The following PRKN variants were observed in gnomAD, a reference collection of about 807,000 sequenced individuals.
PRKN encodes parkin RBR E3 ubiquitin protein ligase, also known as E3 ubiquitin-protein ligase parkin.
A neutral mutation model predicts 59.5 loss-of-function variants in PRKN; 56 were observed. That is an observed-to-expected ratio of 0.94 (90% CI 0.76 to 1.18). The LOEUF (loss-of-function observed/expected upper bound fraction) is 1.18, where lower values mean the gene tolerates loss of function less well. Among genes scored for constraint, PRKN ranks in the 50% most tolerant of loss-of-function variants. The probability of loss-of-function intolerance (pLI) is 0.00; values close to 1 mark genes in which losing one functional copy is unlikely to be tolerated. For missense variants in PRKN, 657 were observed against 596.4 expected, an observed-to-expected ratio of 1.10 and a Z score of -1.06; for synonymous variants, 250 against 222.1, an observed-to-expected ratio of 1.13 and a Z score of -1.12.
intron 6 of PRKN, among the ~76,000 whole-genome samples, chr6:161,918,453 C>G (rs1424522776): frequency 1.3e-5 from 2 of 152,200 alleles, no homozygotes; most frequent in East Asian, 3.8e-4. Context: ...GATTTTCAAA[C>G]CATGAGTCAT....
At chr6:162,496,067 G>C (rs1208710144) in intron 1 of PRKN, among the ~76,000 whole-genome samples, 3 of 151,998 alleles carry the variant, frequency 2.0e-5, no homozygotes, top group East Asian at 3.9e-4. Flanking sequence ...GTGAAACCCT[G>C]TCTCTATTAA....
chr6:162,638,777 T>C (rs1296965790), intron 1 of PRKN, among the ~76,000 whole-genome samples: 1 of 147,076 alleles, frequency 6.8e-6, no homozygotes, highest in East Asian at 2.0e-4. Flanking sequence ...AGAGTTTTGC[T>C]CTTGTTGCCC....
chr6:161,638,889 G>C (rs1409213175), intron 7 of PRKN, among the ~76,000 whole-genome samples: 1 of 151,908 alleles, frequency 6.6e-6, no homozygotes. Flanking sequence ...TTACAGGCGT[G>C]TGCCACCATA....
At chr6:162,366,516 T>A (rs546485171) in intron 2 of PRKN, among the ~76,000 whole-genome samples, 134 of 152,194 alleles carry the variant, frequency 8.8e-4, no homozygotes, top group Admixed American at 2.9e-3. Context: ...ATCACCCCAA[T>A]AGAAACTTGC....
Position 161,447,859 on chromosome 6 carries a change from A to T in PRKN, c.1084-60982T>A, listed in dbSNP as rs981852136. Among the ~76,000 whole-genome samples, 4 of 152,118 alleles carry T rather than the reference A, an allele frequency of 2.6e-5. No individual in the cohort carries two copies. Among genetic ancestry groups the T allele is most frequent in the African/African-American group, 9.7e-5 (4 of 41,408 alleles). ...AAAAGAAAATTTCAGGACCTTCCAA[A>T]TTTCACAGGCCTAGAGGAAAGTTAA... is the stretch of plus-strand genomic sequence containing the variant. On this transcript the variant is annotated intron_variant, in intron 9 of 11. Coordinates refer to ENST00000366898, the MANE Select transcript of PRKN (RefSeq NM_004562.3). The surrounding 1 kb of genome is among the most constrained non-coding windows in gnomAD (Gnocchi z 4.1).
rs151309531 is a variant in PRKN, at chr6:161,931,220, G to A, written c.734+42082C>T. Among the ~76,000 whole-genome samples the A allele has an allele frequency of 6.1e-3, 932 of 152,288 alleles. 9 individuals carry two copies. Among genetic ancestry groups the A allele is most frequent in the African/African-American group, 0.021 (889 of 41,566 alleles). ...GGAGGCCGAGGTGGGTGGATCATTTGAGGTTAGGAGTTTGAGGCCAGCCTA... is the reference window on the plus strand; with the variant it reads ...GGAGGCCGAGGTGGGTGGATCATTTAAGGTTAGGAGTTTGAGGCCAGCCTA... On this transcript the variant is annotated intron_variant, in intron 6 of 11. Coordinates refer to ENST00000366898, the MANE Select transcript of PRKN (RefSeq NM_004562.3).
At chr6:162,135,722 GAAGGTGA>G (rs758350819) in intron 4 of PRKN, among the ~76,000 whole-genome samples, 3 of 152,068 alleles carry the variant, frequency 2.0e-5, no homozygotes, top group African/African-American at 4.8e-5. Flanking sequence ...AGAGAAGGTA[GAAGGTGA>G]AAGGTGAAAG....
chr6:162,101,898 A>G (rs1779986408), intron 4 of PRKN, among the ~76,000 whole-genome samples: 1 of 152,174 alleles, frequency 6.6e-6, no homozygotes, highest in Non-Finnish European at 1.5e-5. Context: ...AAAACAAGAC[A>G]TTCTTCTACA....
At chr6:162,628,857 A>G (rs984945051) in intron 1 of PRKN, among the ~76,000 whole-genome samples, 3 of 152,172 alleles carry the variant, frequency 2.0e-5, no homozygotes, top group South Asian at 2.1e-4. Context: ...TGTTACCTAC[A>G]TTAATCCTCA....
chr6:162,259,312 T>G (rs900172144), intron 3 of PRKN, among the ~76,000 whole-genome samples: 1 of 152,210 alleles, frequency 6.6e-6, no homozygotes, highest in African/African-American at 2.4e-5. Flanking sequence ...ACAGGTAGGA[T>G]CCATAATTGT....
intron 2 of PRKN, among the ~76,000 whole-genome samples, chr6:162,320,385 C>CAAAAAAAAAAAAAAAAAAAAA (rs1782955414): frequency 3.6e-5 from 1 of 27,784 alleles, no homozygotes; most frequent in Non-Finnish European, 9.3e-5. Context: ...AAAAAAAAAA[C>CAAAAAAAAAAAAAAAAAAAAA]CAAGCATTTT....
intron 1 of PRKN, chr6:162,727,339 A>C: frequency 2.9e-5 from 11 of 378,726 alleles, no homozygotes; most frequent in East Asian, 1.5e-4. Flanking sequence ...GGCGGGGAGA[A>C]GGCTTCGGGA....
intron 2 of PRKN, among the ~76,000 whole-genome samples, chr6:162,363,248 T>G (rs1583442631): frequency 1.3e-5 from 2 of 152,156 alleles, no homozygotes; most frequent in African/African-American, 4.8e-5. Flanking sequence ...ATTAGTGTTC[T>G]GCAGAGGCAA....
intron 6 of PRKN, among the ~76,000 whole-genome samples, chr6:161,860,000 C>T (rs1360647911): frequency 6.6e-6 from 1 of 152,080 alleles, no homozygotes; most frequent in Admixed American, 6.5e-5. Context: ...TGATAACAGT[C>T]GAAGCTAGTT....
chr6:162,645,613 GA>G (rs1228536131), intron 1 of PRKN, among the ~76,000 whole-genome samples: 1 of 150,626 alleles, frequency 6.6e-6, no homozygotes, highest in South Asian at 2.1e-4. Flanking sequence ...TGCTAAGGAA[GA>G]AAAAAAAAGT....
At chr6:161,715,124 T>C (rs1786919827) in intron 7 of PRKN, among the ~76,000 whole-genome samples, 1 of 152,196 alleles carries the variant, frequency 6.6e-6, no homozygotes, top group South Asian at 2.1e-4. Flanking sequence ...TGGGTTTTTA[T>C]AACGAAAATG....
chr6:162,595,575 GGTTTGGCTCTAACAATTACA>G (rs1161859097), intron 1 of PRKN, among the ~76,000 whole-genome samples: 1 of 151,928 alleles, frequency 6.6e-6, no homozygotes, highest in African/African-American at 2.4e-5. Flanking sequence ...TTTTTCTTGA[GGTTTGGCTCTAACAATTACA>G]GTTATTGTTT....
Position 162,165,277 on chromosome 6 carries a change from C to G in PRKN, c.534+35854G>C, listed in dbSNP as rs1323468087. Among the ~76,000 whole-genome samples, 3 of 148,926 alleles carry G rather than the reference C, an allele frequency of 2.0e-5. 1 individual carries two copies. Among genetic ancestry groups the G allele is most frequent in the Non-Finnish European group, 4.5e-5 (3 of 67,374 alleles). Reference sequence around the variant, plus strand: ...ATGAGTTGGGATTAGGCAAAGGTTTCTTTGACAGGTTAGAGACCACAATAT... The same window carrying G: ...ATGAGTTGGGATTAGGCAAAGGTTTGTTTGACAGGTTAGAGACCACAATAT... On this transcript the variant is annotated intron_variant, in intron 4 of 11. Coordinates refer to ENST00000366898, the MANE Select transcript of PRKN (RefSeq NM_004562.3).
intron 3 of PRKN, among the ~76,000 whole-genome samples, chr6:162,204,497 A>G (rs1218229852): frequency 6.6e-6 from 1 of 152,202 alleles, no homozygotes; most frequent in Non-Finnish European, 1.5e-5. Context: ...GAAGGATTCA[A>G]TCCACTTGTA....
Sources: allele counts gnomAD v4.1 joint callset (sites outside exome capture counted in the v4.1 genomes callset), GRCh38; gene constraint gnomAD v4.1.1; non-coding constraint Gnocchi (gnomAD v3.1); transcripts MANE v1.5; gene names NCBI Gene and HGNC (gene_info 2026-07-23, HGNC 2026-07-21).